The following DSCAML1 variants were observed in gnomAD, a reference collection of about 807,000 sequenced individuals.
DSCAML1 encodes cell adhesion molecule DSCAML1.
A neutral mutation model predicts 200.5 loss-of-function variants in DSCAML1; 38 were observed. That is an observed-to-expected ratio of 0.19 (90% confidence interval 0.15 to 0.25). DSCAML1 has a LOEUF of 0.25. Ranked by LOEUF, DSCAML1 falls within the 10% of genes least tolerant of loss-of-function variation. The pLI is 1.00. For synonymous variants in DSCAML1, 1,215 were observed against 1,165.0 expected (o/e 1.04, Z -0.87); for missense variants, 2,223 against 2,858.8 (o/e 0.78, Z 5.07).
At chr11:117,582,789 T>C (rs1426797206) in intron 3 of DSCAML1, among the ~76,000 whole-genome samples, 1 of 152,142 alleles carries the variant, frequency 6.6e-6, no homozygotes, top group Non-Finnish European at 1.5e-5. Context: ...CGTAGGGATA[T>C]TGACCCCTCA....
intron 1 of DSCAML1, among the ~76,000 whole-genome samples, chr11:117,814,467 C>A (rs952307174): frequency 1.3e-5 from 2 of 152,254 alleles, no homozygotes; most frequent in East Asian, 1.9e-4. Flanking sequence ...CCTGACCCCA[C>A]AACTTCCTTG....
At chr11:117,579,149 G>A (rs1252681502) in intron 3 of DSCAML1, among the ~76,000 whole-genome samples, 1 of 152,086 alleles carries the variant, frequency 6.6e-6, no homozygotes, top group Non-Finnish European at 1.5e-5. Context: ...CCCCACCGAG[G>A]CTCTGCAGCC....
intron 19 of DSCAML1, among the ~76,000 whole-genome samples, chr11:117,458,331 G>A (rs1456961673): frequency 1.3e-5 from 2 of 152,282 alleles, no homozygotes; most frequent in East Asian, 3.9e-4. Context: ...GGACCATGCT[G>A]CGGCCTCTGT....
At chr11:117,468,646 C>G (rs910642897) in intron 16 of DSCAML1, among the ~76,000 whole-genome samples, 2 of 152,166 alleles carry the variant, frequency 1.3e-5, no homozygotes, top group Non-Finnish European at 2.9e-5. Flanking sequence ...TGGAGAGGAA[C>G]CCTGGCTCCA....
At chr11:117,541,151 T>C (rs2050262198) in intron 3 of DSCAML1, among the ~76,000 whole-genome samples, 1 of 152,246 alleles carries the variant, frequency 6.6e-6, no homozygotes, top group Non-Finnish European at 1.5e-5. Context: ...CTGTCACAAA[T>C]TCCTTTTGGC....
intron 3 of DSCAML1, among the ~76,000 whole-genome samples, chr11:117,754,525 G>T (rs542170064): frequency 6.6e-6 from 1 of 152,000 alleles, no homozygotes; most frequent in African/African-American, 2.4e-5. Context: ...GAGAATGGAC[G>T]CACTCTCATA....
intron 3 of DSCAML1, among the ~76,000 whole-genome samples, chr11:117,577,458 T>TTTCCTTCC (rs1182143268): frequency 1.4e-3 from 82 of 57,372 alleles, no homozygotes; most frequent in South Asian, 4.0e-3. Flanking sequence ...CCTTCCTTCC[T>TTTCCTTCC]TTCCTTCCTT....
At chr11:117,450,268 A>G (rs1426307913) in intron 20 of DSCAML1, among the ~76,000 whole-genome samples, 1 of 151,816 alleles carries the variant, frequency 6.6e-6, no homozygotes, top group Non-Finnish European at 1.5e-5. Flanking sequence ...GCCGAGGCTG[A>G]CCTCCCTTCC....
chr11:117,735,324 T>C (rs2054297590), intron 3 of DSCAML1, among the ~76,000 whole-genome samples: 2 of 152,178 alleles, frequency 1.3e-5, no homozygotes, highest in Admixed American at 1.3e-4. Context: ...ACAAGGGACT[T>C]TCATGTTCAT....
rs752857880 is a variant in DSCAML1 at position 117,482,061 on chromosome 11, G to A, written c.2461C>T (p.Arg821Cys). Residue 821 changes from arginine to cysteine, a missense_variant, in exon 12 of 33, where the codon CGC (arginine) becomes TGC (cysteine). Arg to Cys is a radical substitution (Grantham distance 180). Coordinates refer to ENST00000651296, the MANE Select transcript of DSCAML1 (RefSeq NM_020693.4). ...TARGERPIII[R>C]WEKGDTVIDP... ...ATGACTGTGTCCCCCTTCTCCCAGC[G>A]GATGATGATGGGCCGCTCACCCCGT... is the stretch of plus-strand genomic sequence containing the variant. 4 of 1,614,174 alleles carry A rather than the reference G, an allele frequency of 2.5e-6. No individual in the cohort carries two copies. The highest frequency in any genetic ancestry group is 3.4e-6 in the Non-Finnish European group (4 of 1,180,000).
At chr11:117,609,233 A>G (rs1426264623) in intron 3 of DSCAML1, among the ~76,000 whole-genome samples, 1 of 150,240 alleles carries the variant, frequency 6.7e-6, no homozygotes, top group African/African-American at 2.4e-5. Flanking sequence ...AAATTGAAAG[A>G]GCAAAAATAG....
intron 11 of DSCAML1, among the ~76,000 whole-genome samples, chr11:117,502,841 G>A (rs964842393): frequency 6.6e-6 from 1 of 152,134 alleles, no homozygotes; most frequent in African/African-American, 2.4e-5. Flanking sequence ...CCTATTACGA[G>A]CCCAACCCCC....
intron 3 of DSCAML1, among the ~76,000 whole-genome samples, chr11:117,645,416 C>T (rs1161571713): frequency 6.6e-6 from 1 of 152,052 alleles, no homozygotes; most frequent in Non-Finnish European, 1.5e-5. Flanking sequence ...CATGAGAGCC[C>T]AACTTCCTGA....
chr11:117,444,132 T>C, intron 20 of DSCAML1, 93 bp from the exon 21 acceptor site: 4 of 1,428,012 alleles, frequency 2.8e-6, no homozygotes, highest in Non-Finnish European at 3.8e-6. Flanking sequence ...GAGGAGAGGA[T>C]GGCGGGGTCG....
At chr11:117,791,998 G>A (rs1383048688) in intron 1 of DSCAML1, among the ~76,000 whole-genome samples, 3 of 152,348 alleles carry the variant, frequency 2.0e-5, no homozygotes, top group Non-Finnish European at 2.9e-5. Flanking sequence ...GCCAGGATGT[G>A]AATGAAAGAT....
intron 3 of DSCAML1, among the ~76,000 whole-genome samples, chr11:117,717,820 C>A (rs2053978354): frequency 6.6e-6 from 1 of 152,172 alleles, no homozygotes; most frequent in African/African-American, 2.4e-5. Context: ...TTTGAAATGC[C>A]CCCTAGCAAC....
intron 15 of DSCAML1, among the ~76,000 whole-genome samples, chr11:117,470,539 G>A (rs1190679930): frequency 4.6e-5 from 7 of 152,218 alleles, no homozygotes; most frequent in African/African-American, 1.4e-4. Context: ...GATCATGGGA[G>A]AGAAAATTGG....
At chr11:117,689,082 C>T (rs1020284431) in intron 3 of DSCAML1, among the ~76,000 whole-genome samples, 13 of 152,110 alleles carry the variant, frequency 8.5e-5, no homozygotes, top group African/African-American at 2.4e-4. Context: ...CTTCTGTTTC[C>T]GGCAGGTAAC....
intron 3 of DSCAML1, among the ~76,000 whole-genome samples, chr11:117,705,072 G>A (rs1398215792): frequency 6.6e-6 from 1 of 152,210 alleles, no homozygotes; most frequent in Non-Finnish European, 1.5e-5. Flanking sequence ...GAGGGGCGGG[G>A]AATGCAGATA....
Sources: allele counts gnomAD v4.1 joint callset (sites outside exome capture counted in the v4.1 genomes callset), GRCh38; gene constraint gnomAD v4.1.1; transcripts MANE v1.5; gene names NCBI Gene and HGNC (gene_info 2026-07-23, HGNC 2026-07-21).